WWOX: variants seen among roughly 807,000 people sequenced by gnomAD.
WWOX encodes the protein WW domain containing oxidoreductase.
In WWOX, 69 loss-of-function variants were observed where a neutral mutation model predicts 46.2. The observed-to-expected ratio is 1.49, with a 90% CI of 1.23 to 1.82. The LOEUF (loss-of-function observed/expected upper bound fraction) is 1.82, where lower values mean the gene tolerates loss of function less well. WWOX is among the 40% of genes most tolerant of loss of function. The pLI is 0.00. For synonymous variants in WWOX, 359 were observed against 202.6 expected (o/e 1.77, Z -6.56); for missense variants, 919 against 542.6 (o/e 1.69, Z -6.89).
chr16:78,948,633 G>T (rs749850318), intron 8 of WWOX, among the ~76,000 whole-genome samples: 1 of 151,944 alleles, frequency 6.6e-6, no homozygotes, highest in Non-Finnish European at 1.5e-5. Context: ...TAAACTTGGG[G>T]GTTCCCACTC....
At chr16:78,179,378 T>C (rs1444709952) in intron 5 of WWOX, among the ~76,000 whole-genome samples, 7 of 152,158 alleles carry the variant, frequency 4.6e-5, no homozygotes, top group African/African-American at 1.2e-4. Flanking sequence ...CATTCTCAGA[T>C]TGGAAAGGAC....
chr16:78,310,006 C>T (rs1046121700), intron 5 of WWOX, among the ~76,000 whole-genome samples: 3 of 152,030 alleles, frequency 2.0e-5, no homozygotes, highest in Non-Finnish European at 4.4e-5. Flanking sequence ...TAGTTACTGT[C>T]GCTCCTGTGA....
intron 5 of WWOX, among the ~76,000 whole-genome samples, chr16:78,356,840 C>G (rs534739811): frequency 1.6e-4 from 24 of 152,094 alleles, no homozygotes; most frequent in Non-Finnish European, 3.4e-4. Flanking sequence ...TGAGATGGCA[C>G]CATTGCACTC....
intron 1 of WWOX, 191 bp downstream of exon 1, chr16:78,100,076 C>T (rs1319165692): frequency 7.2e-7 from 1 of 1,388,428 alleles, no homozygotes; most frequent in African/African-American, 1.5e-5. Context: ...GCCTCGGGTC[C>T]AGCGGGGGTC....
intron 8 of WWOX, chr16:79,206,149 C>T (rs2051502048): frequency 1.3e-5 from 2 of 152,302 alleles, no homozygotes; most frequent in African/African-American, 4.8e-5. Context: ...CTCCTTTTAA[C>T]ATTTCTCGGG....
At position 78,459,649 on chromosome 16, in the gene WWOX, G is replaced by A. The variant is rs138545008; in HGVS notation, c.1056+26897G>A. Among the ~76,000 whole-genome samples the A allele has an allele frequency of 3.4e-4, 52 of 152,264 alleles. No individual in the cohort carries two copies. In the East Asian group the frequency reaches 9.3e-3, roughly 27 times the overall value. On this transcript the variant is annotated intron_variant, in intron 8 of 8. Coordinates refer to ENST00000566780, the MANE Select transcript of WWOX (RefSeq NM_016373.4). Reference sequence around the variant, plus strand: ...TTTGCGTGTGCCATTATTATAGATTGCTGATGTTTGCCAATGGATATTCTT... The same window carrying A: ...TTTGCGTGTGCCATTATTATAGATTACTGATGTTTGCCAATGGATATTCTT...
intron 8 of WWOX, among the ~76,000 whole-genome samples, chr16:78,919,050 C>T (rs1354757670): frequency 1.3e-5 from 2 of 152,092 alleles, no homozygotes; most frequent in African/African-American, 4.8e-5. Context: ...GTCATAGCAG[C>T]CGCTGCCAAG....
At chr16:78,540,697 A>T (rs987814807) in intron 8 of WWOX, among the ~76,000 whole-genome samples, 1 of 131,188 alleles carries the variant, frequency 7.6e-6, no homozygotes, top group Admixed American at 7.2e-5. Flanking sequence ...ATATTTTGTT[A>T]AAAAAAAAAA....
At chr16:79,134,458 G>C (rs983924787) in intron 8 of WWOX, among the ~76,000 whole-genome samples, 1 of 152,170 alleles carries the variant, frequency 6.6e-6, no homozygotes, top group Non-Finnish European at 1.5e-5. Context: ...GTTGGAGGGA[G>C]CTATGTGCAG....
chr16:79,011,069 C>G (rs1453748935), intron 8 of WWOX, among the ~76,000 whole-genome samples: 2 of 151,138 alleles, frequency 1.3e-5, no homozygotes, highest in Non-Finnish European at 2.9e-5. Context: ...ATAAGTATAC[C>G]TTTATATATG....
At chr16:78,459,054 C>T (rs8054130) in intron 8 of WWOX, among the ~76,000 whole-genome samples, 8,311 of 152,192 alleles carry the variant, frequency 0.055, 633 homozygotes, top group African/African-American at 0.17. Context: ...GATTACAGTA[C>T]CTAAATGGAA....
chr16:79,102,701 T>G (rs2049226023), intron 8 of WWOX, among the ~76,000 whole-genome samples: 1 of 152,124 alleles, frequency 6.6e-6, no homozygotes, highest in Admixed American at 6.5e-5. Context: ...GTCAAGTCTT[T>G]TGGACACAAT....
At chr16:79,119,969 C>T (rs1274183838) in intron 8 of WWOX, among the ~76,000 whole-genome samples, 1 of 152,174 alleles carries the variant, frequency 6.6e-6, no homozygotes, top group Admixed American at 6.5e-5. Context: ...GGACAAGACT[C>T]CACTTTCCTA....
intron 8 of WWOX, among the ~76,000 whole-genome samples, chr16:78,548,872 C>G (rs534246111): frequency 1.3e-5 from 2 of 152,240 alleles, no homozygotes; most frequent in South Asian, 4.2e-4. Flanking sequence ...AACATCAAGG[C>G]TTAATTGTAA....
At chr16:78,568,435 T>C (rs1567650472) in intron 8 of WWOX, among the ~76,000 whole-genome samples, 2 of 151,516 alleles carry the variant, frequency 1.3e-5, no homozygotes, top group South Asian at 2.1e-4. Context: ...TTCCAAGTTA[T>C]ATATTAAATT....
At position 78,744,493 on chromosome 16, in the gene WWOX, A is replaced by C. The variant is rs917016702; in HGVS notation, c.1056+311741A>C. ...CTCACCCAGGCTGGAGTGCAGTGGC[A>C]CAGTCTTGGCTCATTGCAACATCTG... On this transcript the variant is annotated intron_variant, in intron 8 of 8. Coordinates refer to ENST00000566780, the MANE Select transcript of WWOX (RefSeq NM_016373.4). Among the ~76,000 whole-genome samples, 4 of 130,942 alleles carry C rather than the reference A, an allele frequency of 3.1e-5. No homozygotes were observed. In the Admixed American group the frequency reaches 3.8e-4, roughly 13 times the overall value. 85.9% of individuals were successfully genotyped at this position (130,942 alleles called of 152,430 possible). A position where few individuals can be genotyped will look rare whatever the true frequency, so the allele number is the denominator to read the frequency against.
At chr16:78,582,848 A>G (rs1419013959) in intron 8 of WWOX, among the ~76,000 whole-genome samples, 1 of 152,180 alleles carries the variant, frequency 6.6e-6, no homozygotes, top group East Asian at 1.9e-4. Flanking sequence ...GTCAGTTACA[A>G]GAGGCCCTTC....
At chr16:78,765,934 G>T (rs990041137) in intron 8 of WWOX, among the ~76,000 whole-genome samples, 4 of 152,146 alleles carry the variant, frequency 2.6e-5, no homozygotes, top group African/African-American at 9.7e-5. Flanking sequence ...AGGAGTGAGG[G>T]GTGATCAGGG....
intron 8 of WWOX, among the ~76,000 whole-genome samples, chr16:78,810,025 A>G (rs2051145699): frequency 6.6e-6 from 1 of 152,200 alleles, no homozygotes; most frequent in Non-Finnish European, 1.5e-5. Context: ...TCAAAGGAAA[A>G]ATGTTGAAGT....
Sources: allele counts gnomAD v4.1 joint callset (sites outside exome capture counted in the v4.1 genomes callset), GRCh38; gene constraint gnomAD v4.1.1; transcripts MANE v1.5; gene names NCBI Gene and HGNC (gene_info 2026-07-23, HGNC 2026-07-21).